Variants in LINGO2 observed in about 807,000 individuals in gnomAD.
LINGO2 encodes the protein leucine-rich repeat and immunoglobulin-like domain-containing nogo receptor-interacting protein 2.
In LINGO2, 14 loss-of-function variants were observed where a neutral mutation model predicts 30.6. That is an observed-to-expected ratio of 0.46 (90% CI 0.30 to 0.72). The LOEUF is 0.72. Among genes scored for constraint, LINGO2 ranks in the 30% least tolerant of loss-of-function variants. The pLI is 0.07. For missense variants in LINGO2, 729 were observed against 751.7 expected (o/e 0.97, Z 0.35); for synonymous variants, 317 against 288.5 (o/e 1.10, Z -1.00).
At chr9:28,996,931 T>A in the LINGO2 span, among the ~76,000 whole-genome samples, 15 of 152,138 alleles carry the variant, frequency 9.9e-5, no homozygotes, top group Non-Finnish European at 2.2e-4. Flanking sequence ...GTTAGGGACA[T>A]TGTATGTGTG....
At chr9:28,747,541 A>G in the LINGO2 span, among the ~76,000 whole-genome samples, 2 of 152,178 alleles carry the variant, frequency 1.3e-5, no homozygotes, top group East Asian at 3.9e-4. Context: ...GGACTTCAGG[A>G]GCTGCAGACA....
chr9:28,009,811 T>C (rs1822465149), intron 5 of LINGO2, among the ~76,000 whole-genome samples: 1 of 152,184 alleles, frequency 6.6e-6, no homozygotes. Context: ...TGGCAGTTTC[T>C]CAAAAAGTTA....
chr9:28,506,412 ATATATATATACACACACAC>A lies in LINGO2; in HGVS notation c.-364-30406_-364-30388del, dbSNP rs1820120513. Among the ~76,000 whole-genome samples, 11 of 67,260 alleles carry A rather than the reference ATATATATATACACACACAC, an allele frequency of 1.6e-4. 2 individuals are homozygous for A. The highest frequency in any genetic ancestry group is 3.3e-4 in the Admixed American group (2 of 6,084). The allele number at this position is 67,260 out of a possible 152,430, so 44.1% of individuals were successfully genotyped here. On this transcript the variant is annotated intron_variant, in intron 1 of 5. Coordinates refer to ENST00000379992, the Ensembl canonical transcript of LINGO2. ...GGGCTTCTTAGACATATATATATAT[ATATATATATACACACACAC>A]ACACACACACACACACACACACACA...
chr9:29,167,592 T>C, the LINGO2 span, among the ~76,000 whole-genome samples: 1 of 152,170 alleles, frequency 6.6e-6, no homozygotes, highest in Admixed American at 6.5e-5. Context: ...GTTCTGCTAT[T>C]TTTCTACTAT....
chr9:28,836,548 T>C, the LINGO2 span, among the ~76,000 whole-genome samples: 1 of 152,126 alleles, frequency 6.6e-6, no homozygotes, highest in African/African-American at 2.4e-5. Context: ...ACTCCTGACC[T>C]CAGGTGATCC....
chr9:28,888,803 G>A, the LINGO2 span: 1 of 510,474 alleles, frequency 2.0e-6, no homozygotes, highest in South Asian at 1.5e-5. Context: ...TCAGAACTTG[G>A]AGGAACTGAC....
At chr9:29,192,811 C>T in the LINGO2 span, among the ~76,000 whole-genome samples, 1 of 152,134 alleles carries the variant, frequency 6.6e-6, no homozygotes, top group African/African-American at 2.4e-5. Flanking sequence ...AGGGCATAGT[C>T]CCATGGTTCT....
At chr9:28,236,247 A>C (rs1821559858) in intron 4 of LINGO2, among the ~76,000 whole-genome samples, 1 of 152,290 alleles carries the variant, frequency 6.6e-6, no homozygotes, top group East Asian at 1.9e-4. Flanking sequence ...TTCTTTAAGC[A>C]TGAAGGATAA....
chr9:28,249,645 C>A (rs1168351000), intron 4 of LINGO2, among the ~76,000 whole-genome samples: 1 of 151,966 alleles, frequency 6.6e-6, no homozygotes, highest in Non-Finnish European at 1.5e-5. Context: ...GCAAAAAAAA[C>A]CCACTTGAGT....
the LINGO2 span, among the ~76,000 whole-genome samples, chr9:29,135,547 C>T: frequency 7.3e-6 from 1 of 137,518 alleles, no homozygotes; most frequent in East Asian, 2.3e-4. Flanking sequence ...GACAGAGTGA[C>T]ATTCCATCTC....
chr9:28,165,138 T>C (rs1322186993), intron 4 of LINGO2, among the ~76,000 whole-genome samples: 2 of 152,224 alleles, frequency 1.3e-5, no homozygotes, highest in African/African-American at 4.8e-5. Flanking sequence ...CTGCTTCCAT[T>C]TTAGGACACT....
intron 5 of LINGO2, among the ~76,000 whole-genome samples, chr9:27,984,241 G>C (rs944804236): frequency 3.3e-5 from 5 of 151,760 alleles, no homozygotes; most frequent in Non-Finnish European, 2.9e-5. Flanking sequence ...GATCTATGAG[G>C]GTAACAGGTT....
chr9:28,110,734 C>G (rs1204818915), intron 4 of LINGO2, among the ~76,000 whole-genome samples: 1 of 152,080 alleles, frequency 6.6e-6, no homozygotes, highest in African/African-American at 2.4e-5. Flanking sequence ...AGTCAGGAAA[C>G]AGCAAATGGT....
chr9:28,771,715 T>A, the LINGO2 span, among the ~76,000 whole-genome samples: 1 of 152,112 alleles, frequency 6.6e-6, no homozygotes, highest in African/African-American at 2.4e-5. Flanking sequence ...TTTAAAGTGA[T>A]GAGCAGCATA....
the LINGO2 span, among the ~76,000 whole-genome samples, chr9:28,712,841 C>T: frequency 6.6e-6 from 1 of 151,986 alleles, no homozygotes; most frequent in African/African-American, 2.4e-5. Flanking sequence ...TATTACAACT[C>T]AATTCCTAAT....
At chr9:28,495,461 T>C (rs553615344) in intron 1 of LINGO2, among the ~76,000 whole-genome samples, 1 of 152,344 alleles carries the variant, frequency 6.6e-6, no homozygotes, top group East Asian at 1.9e-4. Context: ...CAGCACCATT[T>C]ATTAAATAGG....
chr9:28,208,567 A>G (rs1820488475), intron 4 of LINGO2, among the ~76,000 whole-genome samples: 1 of 152,076 alleles, frequency 6.6e-6, no homozygotes, highest in African/African-American at 2.4e-5. Flanking sequence ...TGGGTTCAAG[A>G]CGGTGCCTCC....
chr9:29,036,408 G>GA, the LINGO2 span, among the ~76,000 whole-genome samples: 1 of 151,378 alleles, frequency 6.6e-6, no homozygotes, highest in African/African-American at 2.4e-5. Context: ...GAAACCAGAA[G>GA]AAAAAAAATA....
chr9:28,584,929 AG>A, intron 1 of LINGO2, among the ~76,000 whole-genome samples: 1 of 9,544 alleles, frequency 1.0e-4, no homozygotes, highest in Non-Finnish European at 2.5e-4. Flanking sequence ...TGTGACTGCA[AG>A]AGATTTTTTT....
Sources: gnomAD v4.1 joint callset for allele counts (sites outside exome capture counted in the v4.1 genomes callset) on GRCh38, gnomAD v4.1.1 for gene constraint, MANE v1.5 for transcripts, NCBI Gene and HGNC (gene_info 2026-07-23, HGNC 2026-07-21) for gene names.